Variants in TTC7A observed in about 807,000 individuals in gnomAD.
The protein encoded by TTC7A is tetratricopeptide repeat domain 7A, also known as tetratricopeptide repeat protein 7A.
TTC7A carries 110 observed loss-of-function variants against 103.7 expected under a neutral mutation model. The observed-to-expected ratio is 1.06, with a 90% CI of 0.91 to 1.24. The LOEUF (loss-of-function observed/expected upper bound fraction) is 1.24. TTC7A is among the 50% of genes most tolerant of loss of function. The pLI is 0.00. For missense variants in TTC7A, 1,340 were observed against 1,116.3 expected, an observed-to-expected ratio of 1.20 and a Z score of -2.86; for synonymous variants, 521 against 467.9, an observed-to-expected ratio of 1.11 and a Z score of -1.47.
chr2:47,028,121 G>C (rs373692465), intron 14 of TTC7A, among the ~76,000 whole-genome samples: 31 of 152,040 alleles, frequency 2.0e-4, no homozygotes, highest in African/African-American at 7.0e-4. Flanking sequence ...CATCCTGGGG[G>C]TGTTGTGTTG....
In TTC7A at chr2:46,978,856, A is replaced by C; in HGVS notation, c.713A>C (p.Tyr238Ser). The C allele has an allele frequency of 4.3e-6, 7 of 1,614,030 alleles. No individual in the cohort carries two copies. Among genetic ancestry groups the C allele is most frequent in the Non-Finnish European group, 5.9e-6 (7 of 1,179,972 alleles). The change falls in exon 5 of 20, where the codon TAC becomes TCC. Residue 238 changes from tyrosine to serine, a missense_variant. Tyr to Ser is a moderately radical substitution (Grantham distance 144, BLOSUM62 -2). Coordinates refer to ENST00000319190, the MANE Select transcript of TTC7A (RefSeq NM_020458.4). ...GCHPLDYELT[Y>S]FLEAALQSAY... is the part of the protein sequence containing the mutation. ...CACCCGCTTGACTATGAGCTCACCT[A>C]CTTCCTGGAAGCTGCCCTCCAGAGC...
intron 5 of TTC7A, among the ~76,000 whole-genome samples, chr2:46,983,608 T>C (rs736683): frequency 0.58 from 88,818 of 152,170 alleles, 27,015 homozygotes; most frequent in East Asian, 0.68. Context: ...CAGTGACTTA[T>C]GAAGCCCGGC....
At chr2:46,985,720 TGCCCATG>T (rs1193475880) in intron 5 of TTC7A, among the ~76,000 whole-genome samples, 1 of 152,268 alleles carries the variant, frequency 6.6e-6, no homozygotes, top group African/African-American at 2.4e-5. Context: ...GCACAAAGCC[TGCCCATG>T]GCATGTCTAC....
intron 2 of TTC7A, among the ~76,000 whole-genome samples, chr2:46,954,658 G>A (rs958715197): frequency 2.2e-4 from 30 of 138,472 alleles, no homozygotes; most frequent in Admixed American, 1.0e-3. Flanking sequence ...TGCAACCTCC[G>A]CCTCCCGGGT....
At chr2:47,025,121 G>T (rs920515794) in intron 14 of TTC7A, among the ~76,000 whole-genome samples, 14 of 152,198 alleles carry the variant, frequency 9.2e-5, no homozygotes. Flanking sequence ...AGCTCTCCTT[G>T]CCGGAACCAC....
chr2:47,012,769 T>C (rs1042749681), intron 11 of TTC7A, among the ~76,000 whole-genome samples: 1 of 152,138 alleles, frequency 6.6e-6, no homozygotes, highest in African/African-American at 2.4e-5. Context: ...GAGTCAGTCC[T>C]CCCAAGCACA....
rs552219671 is a variant in TTC7A at position 46,979,405 on chromosome 2, T to A, written c.764+498T>A. Among the ~76,000 whole-genome samples, 3 of 152,214 alleles carry A rather than the reference T, an allele frequency of 2.0e-5. No individual in the cohort carries two copies. In the East Asian group the frequency reaches 5.8e-4, roughly 29 times the overall value. ...GAGGGAAAGTATGGTAGAAGTGAAG[T>A]TCTGGCGTCACGCTGGGGCTGTGGC... On this transcript the variant is annotated intron_variant, in intron 5 of 19. Coordinates refer to ENST00000319190, the MANE Select transcript of TTC7A (RefSeq NM_020458.4).
rs1260572298 is a variant in TTC7A, at chr2:47,021,859, C to T, written c.1393-3C>T. ...CCATGACCTCTGTCTCTCCTCTTTG[C>T]AGCTAGAGGAAGCAGAGCACTTTGC... is the stretch of plus-strand genomic sequence containing the variant. On this transcript the variant is annotated splice_polypyrimidine_tract_variant and splice_region_variant and intron_variant, in intron 11 of 19. Transcript: ENST00000319190. 1 of 1,611,194 alleles carries T rather than the reference C, an allele frequency of 6.2e-7. No homozygotes were observed.
chr2:46,964,132 C>T (rs1395320728), intron 3 of TTC7A, among the ~76,000 whole-genome samples: 1 of 152,180 alleles, frequency 6.6e-6, no homozygotes, highest in Non-Finnish European at 1.5e-5. Context: ...CAGGCTTGTT[C>T]GATTGAAGCA....
At chr2:46,999,877 G>A (rs1431129725) in intron 8 of TTC7A, 1 of 985,330 alleles carries the variant, frequency 1.0e-6, no homozygotes, top group Non-Finnish European at 1.2e-6. Context: ...CCCTGGTGTT[G>A]AGAGTGGGGT....
chr2:47,068,390 T>C (rs1012653504), intron 19 of TTC7A: 5 of 152,192 alleles, frequency 3.3e-5, no homozygotes, highest in African/African-American at 1.2e-4. Context: ...TTTCCGGAGC[T>C]GTGGCAGGTG....
intron 3 of TTC7A, among the ~76,000 whole-genome samples, chr2:46,973,101 C>A (rs536085135): frequency 8.5e-5 from 13 of 152,208 alleles, no homozygotes; most frequent in African/African-American, 3.1e-4. Flanking sequence ...CAAAATGCAC[C>A]CCGAGGGGCT....
intron 15 of TTC7A, among the ~76,000 whole-genome samples, chr2:47,030,441 C>T (rs1340177680): frequency 6.6e-6 from 1 of 152,208 alleles, no homozygotes; most frequent in Non-Finnish European, 1.5e-5. Context: ...TGGCCTCCTT[C>T]AGACGACAGC....
At chr2:47,030,237 G>C (rs1183502680) in intron 15 of TTC7A, among the ~76,000 whole-genome samples, 1 of 152,198 alleles carries the variant, frequency 6.6e-6, no homozygotes, top group Non-Finnish European at 1.5e-5. Flanking sequence ...TAGAGTCCTG[G>C]CTGCCCTGAT....
At chr2:46,966,041 C>T (rs965171964) in intron 3 of TTC7A, among the ~76,000 whole-genome samples, 2 of 152,164 alleles carry the variant, frequency 1.3e-5, no homozygotes, top group Non-Finnish European at 2.9e-5. Context: ...CCTCCACCTC[C>T]CGGGTTCAAG....
At chr2:46,958,800 G>A (rs79256604) in intron 3 of TTC7A, among the ~76,000 whole-genome samples, 2,255 of 152,300 alleles carry the variant, frequency 0.015, 28 homozygotes, top group Middle Eastern at 0.027. Flanking sequence ...TGGGGGATCC[G>A]GTGGGTCTTC....
chr2:47,058,544 A>C (rs1178545716), intron 18 of TTC7A, among the ~76,000 whole-genome samples: 1 of 152,186 alleles, frequency 6.6e-6, no homozygotes, highest in African/African-American at 2.4e-5. Context: ...CCCAGACATA[A>C]TCTGAACTAG....
At chr2:46,994,246 C>A in intron 6 of TTC7A, 111 bp from the exon 7 acceptor site, 1 of 1,339,094 alleles carries the variant, frequency 7.5e-7, no homozygotes, top group Non-Finnish European at 1.0e-6. Flanking sequence ...CCCAAAGGGC[C>A]GCACATTGCA....
rs986024666 is a variant in TTC7A, at chr2:47,049,880, T to C, written c.1920-69T>C. 5 of 1,191,440 alleles carry C rather than the reference T, an allele frequency of 4.2e-6. No homozygotes were observed. In the African/African-American group the frequency reaches 4.5e-5, roughly 11 times the overall value. 73.8% of individuals were successfully genotyped at this position (1,191,440 alleles called of 1,614,324 possible). On this transcript the variant is annotated intron_variant, in intron 16 of 19. Coordinates refer to ENST00000319190, the MANE Select transcript of TTC7A (RefSeq NM_020458.4). ...CTGCCAGTCCTTGTGATGCTGGCCCTCTACCTCACTGGGCCCTGTGATGCT... is the reference window on the plus strand; with the variant it reads ...CTGCCAGTCCTTGTGATGCTGGCCCCCTACCTCACTGGGCCCTGTGATGCT...
Sources: gnomAD v4.1 joint callset for allele counts (sites outside exome capture counted in the v4.1 genomes callset) on GRCh38, gnomAD v4.1.1 for gene constraint, MANE v1.5 for transcripts, NCBI Gene and HGNC (gene_info 2026-07-23, HGNC 2026-07-21) for gene names.